Variants in STPG2 observed in about 807,000 individuals in gnomAD.
STPG2 encodes the protein sperm-tail PG-rich repeat-containing protein 2.
In STPG2, 56 loss-of-function variants were observed where a neutral mutation model predicts 54.2. That is an observed-to-expected ratio of 1.03 (90% CI 0.83 to 1.29). The LOEUF is 1.29. STPG2 is among the 50% of genes most tolerant of loss of function. The pLI is 0.00. For missense variants in STPG2, 596 were observed against 544.9 expected, an observed-to-expected ratio of 1.09 and a Z score of -0.93; for synonymous variants, 200 against 181.8, an observed-to-expected ratio of 1.10 and a Z score of -0.81.
chr4:97,843,232 A>C (rs1728854436), intron 8 of STPG2, among the ~76,000 whole-genome samples: 1 of 151,554 alleles, frequency 6.6e-6, no homozygotes, highest in Non-Finnish European at 1.5e-5. Context: ...CAATATTTAA[A>C]TCCTGTTCTT....
At chr4:97,889,264 G>A (rs767554368) in intron 8 of STPG2, among the ~76,000 whole-genome samples, 24 of 152,198 alleles carry the variant, frequency 1.6e-4, no homozygotes, top group Non-Finnish European at 3.4e-4. Context: ...AAACAGTAAA[G>A]AGGTTTCTCA....
chr4:97,926,339 T>A (rs1228602304), intron 8 of STPG2, among the ~76,000 whole-genome samples: 2 of 152,116 alleles, frequency 1.3e-5, no homozygotes, highest in Non-Finnish European at 1.5e-5. Flanking sequence ...CAGATCTCAA[T>A]TCCCTTGTTT....
chr4:97,676,406 A>C (rs1258520903), intron 10 of STPG2, among the ~76,000 whole-genome samples: 1 of 152,052 alleles, frequency 6.6e-6, no homozygotes, highest in African/African-American at 2.4e-5. Context: ...CCAACAAGAT[A>C]ATAAGCACCT....
In STPG2 at chr4:97,494,378, A is replaced by G. The variant is rs1730563725; in HGVS notation, c.462+218321T>C. ...CAACAAAGAAGCAATCCAGGGGAGC[A>G]GAATTGCCCTAATCAAAGAACTGAA... is the stretch of plus-strand genomic sequence containing the variant. On this transcript the variant is annotated intron_variant, in intron 4 of 4. Coordinates refer to the STPG2 transcript ENST00000522676. Among the ~76,000 whole-genome samples the G allele has an allele frequency of 2.6e-5, 4 of 151,650 alleles. No homozygotes were observed. The Admixed American group carries it at 2.6e-4, about 10-fold the overall frequency.
intron 10 of STPG2, among the ~76,000 whole-genome samples, chr4:97,700,853 T>C (rs1018178549): frequency 1.3e-5 from 2 of 152,214 alleles, no homozygotes; most frequent in Non-Finnish European, 2.9e-5. Context: ...AATGGCTGCA[T>C]AGCAAGTACC....
intron 4 of STPG2, among the ~76,000 whole-genome samples, chr4:97,458,568 G>T (rs1729583411): frequency 6.6e-6 from 1 of 152,008 alleles, no homozygotes; most frequent in South Asian, 2.1e-4. Flanking sequence ...GTCACAAGAG[G>T]TTATTAAAGT....
chr4:97,478,670 TAA>T (rs1052784601), intron 4 of STPG2, among the ~76,000 whole-genome samples: 7 of 152,112 alleles, frequency 4.6e-5, no homozygotes, highest in Admixed American at 3.9e-4. Flanking sequence ...AACTCTATGA[TAA>T]GTTTGTTAGG....
chr4:97,959,840 C>A (rs1733822068), intron 7 of STPG2, among the ~76,000 whole-genome samples: 1 of 152,078 alleles, frequency 6.6e-6, no homozygotes, highest in Non-Finnish European at 1.5e-5. Flanking sequence ...CTCTCTAAAT[C>A]ATTCTATAAA....
At chr4:97,791,873 CTG>C (rs1329916771) in intron 9 of STPG2, among the ~76,000 whole-genome samples, 2 of 150,708 alleles carry the variant, frequency 1.3e-5, no homozygotes, top group African/African-American at 4.9e-5. Context: ...CTAATGAAAA[CTG>C]AGGAGAAACA....
chr4:97,943,164 G>A (rs1330447982), intron 8 of STPG2, among the ~76,000 whole-genome samples: 3 of 152,044 alleles, frequency 2.0e-5, no homozygotes, highest in Non-Finnish European at 4.4e-5. Flanking sequence ...TTTTATAAGA[G>A]TACTAATCCT....
chr4:97,793,410 T>A (rs1015270506), intron 9 of STPG2, among the ~76,000 whole-genome samples: 1 of 143,646 alleles, frequency 7.0e-6, no homozygotes, highest in Non-Finnish European at 1.5e-5. Context: ...CACAGAGAAA[T>A]AGCATACATA....
At chr4:97,563,286 A>T (rs1044125061) in intron 10 of STPG2, among the ~76,000 whole-genome samples, 1 of 152,096 alleles carries the variant, frequency 6.6e-6, no homozygotes, top group South Asian at 2.1e-4. Flanking sequence ...ATCAGTGGTG[A>T]TATCCCCTTT....
chr4:97,827,630 C>G (rs1412992930), intron 9 of STPG2, among the ~76,000 whole-genome samples: 1 of 152,166 alleles, frequency 6.6e-6, no homozygotes, highest in Non-Finnish European at 1.5e-5. Flanking sequence ...AATTGGAAAA[C>G]AAGCCGTGGG....
At chr4:97,651,026 G>C (rs1021684634) in intron 10 of STPG2, among the ~76,000 whole-genome samples, 4 of 151,900 alleles carry the variant, frequency 2.6e-5, no homozygotes, top group South Asian at 2.1e-4. Context: ...AAAAAAATCA[G>C]AGCTTAGCCT....
intron 5 of STPG2, among the ~76,000 whole-genome samples, chr4:98,002,460 G>A (rs1195350072): frequency 6.6e-6 from 1 of 151,926 alleles, no homozygotes; most frequent in East Asian, 1.9e-4. Context: ...GATGGGCAAT[G>A]GCAATCAGAA....
At chr4:97,521,731 A>C (rs1170554186) in intron 4 of STPG2, among the ~76,000 whole-genome samples, 1 of 152,038 alleles carries the variant, frequency 6.6e-6, no homozygotes, top group Non-Finnish European at 1.5e-5. Flanking sequence ...CCTGAAGTTA[A>C]AAACAGGATG....
chr4:97,707,185 C>A (rs1723972089), intron 10 of STPG2, among the ~76,000 whole-genome samples: 2 of 151,996 alleles, frequency 1.3e-5, no homozygotes, highest in Admixed American at 1.3e-4. Flanking sequence ...GCTGATAGGA[C>A]CATGTGGAAA....
chr4:97,648,215 A>C (rs556161403), intron 10 of STPG2, among the ~76,000 whole-genome samples: 3 of 152,124 alleles, frequency 2.0e-5, no homozygotes, highest in Admixed American at 2.0e-4. Flanking sequence ...AAGCCATCCC[A>C]GTGTGTGGTG....
At chr4:97,976,531 A>C (rs1403578274) in intron 6 of STPG2, among the ~76,000 whole-genome samples, 1 of 152,100 alleles carries the variant, frequency 6.6e-6, no homozygotes, top group African/African-American at 2.4e-5. Flanking sequence ...TAAGTATAGA[A>C]ATGCCCAGGA....
Sources: gnomAD v4.1 joint callset for allele counts (sites outside exome capture counted in the v4.1 genomes callset) on GRCh38, gnomAD v4.1.1 for gene constraint, MANE v1.5 for transcripts, NCBI Gene and HGNC (gene_info 2026-07-23, HGNC 2026-07-21) for gene names.